Variants in RGS7 observed in about 807,000 individuals in gnomAD.
RGS7 encodes regulator of G-protein signaling 7.
Under a neutral mutation model 81.1 loss-of-function variants are expected in RGS7, and 27 were observed. That is an observed-to-expected ratio of 0.33 (90% CI 0.25 to 0.46). The LOEUF (loss-of-function observed/expected upper bound fraction) is 0.46, where lower values mean the gene tolerates loss of function less well. RGS7 is among the 20% of genes least tolerant of loss of function. The pLI, the probability that RGS7 is intolerant of heterozygous loss-of-function variation, is 1.00. For missense variants in RGS7, 396 were observed against 607.4 expected, an observed-to-expected ratio of 0.65 and a Z score of 3.66; for synonymous variants, 208 against 207.7, an observed-to-expected ratio of 1.00 and a Z score of -0.01.
At position 240,986,340 on chromosome 1, in the gene RGS7, T is replaced by C. The variant is rs577263261; in HGVS notation, c.176-3211A>G. ...TTTCTTCCTTCCATGATTTTGCTAATGCTCTTCTATCTTCATCTCTTTTTC... is the reference window on the plus strand; with the variant it reads ...TTTCTTCCTTCCATGATTTTGCTAACGCTCTTCTATCTTCATCTCTTTTTC... On this transcript the variant is annotated intron_variant, in intron 3 of 18. Transcript: ENST00000440928. 3.5e-3 allele frequency among the ~76,000 whole-genome samples: 529 copies of C among 152,350 alleles called. 4 individuals are homozygous for C. The highest frequency in any genetic ancestry group is 0.012 in the African/African-American group (480 of 41,582).
chr1:241,231,699 T>C (rs2075670468), intron 2 of RGS7, among the ~76,000 whole-genome samples: 1 of 152,204 alleles, frequency 6.6e-6, no homozygotes, highest in Non-Finnish European at 1.5e-5. Flanking sequence ...CTTATTGAGT[T>C]GTAAGATCCC....
chr1:240,916,015 C>T (rs1672541486), intron 6 of RGS7, among the ~76,000 whole-genome samples: 1 of 150,232 alleles, frequency 6.7e-6, no homozygotes, highest in Non-Finnish European at 1.5e-5. Flanking sequence ...GTAATCCCAG[C>T]ACTTTGGGAG....
chr1:240,932,894 T>G (rs1675785691), intron 5 of RGS7, among the ~76,000 whole-genome samples: 1 of 132,282 alleles, frequency 7.6e-6, no homozygotes, highest in South Asian at 2.5e-4. Context: ...TTTTTTTTTT[T>G]TTTTTTTGAG....
At chr1:240,812,476 C>T (rs1001705857) in intron 13 of RGS7, among the ~76,000 whole-genome samples, 14 of 149,272 alleles carry the variant, frequency 9.4e-5, no homozygotes, top group African/African-American at 3.4e-4. Context: ...CTCTTGTCAC[C>T]CAGGTTGGAG....
rs532309798 is a variant in RGS7, at chr1:240,935,178, A to T, written c.333+1422T>A. Among the ~76,000 whole-genome samples, 4 of 152,132 alleles carry T rather than the reference A, an allele frequency of 2.6e-5. No homozygotes were observed. In the East Asian group the frequency reaches 5.8e-4, roughly 22 times the overall value. On this transcript the variant is annotated intron_variant, in intron 5 of 18. Coordinates refer to ENST00000440928, the MANE Select transcript of RGS7 (RefSeq NM_001364886.1). ...CTCCCAAAGTGCTGGGACTACAGGC[A>T]TGAGCCACTGTGCCCGGCCTCGGTG...
At chr1:240,804,981 T>C (rs1225231207) in intron 15 of RGS7, among the ~76,000 whole-genome samples, 2 of 152,212 alleles carry the variant, frequency 1.3e-5, no homozygotes, top group Non-Finnish European at 2.9e-5. Flanking sequence ...TTTAGTAATG[T>C]GTGTTTTTTA....
intron 9 of RGS7, among the ~76,000 whole-genome samples, chr1:240,851,431 C>T (rs182143371): frequency 6.6e-6 from 1 of 152,310 alleles, no homozygotes; most frequent in Admixed American, 6.5e-5. Flanking sequence ...TGACAATGCA[C>T]CTGGTCACCC....
At chr1:241,000,927 G>T (rs1195055949) in intron 3 of RGS7, among the ~76,000 whole-genome samples, 1 of 151,566 alleles carries the variant, frequency 6.6e-6, no homozygotes, top group East Asian at 1.9e-4. Flanking sequence ...AAAGTGTTGG[G>T]GTTACAGGTG....
chr1:240,808,028 T>C (rs1217495306), intron 14 of RGS7, among the ~76,000 whole-genome samples: 2 of 137,802 alleles, frequency 1.5e-5, no homozygotes, highest in Non-Finnish European at 1.5e-5. Flanking sequence ...AGAGCAAAAC[T>C]TCATCTCAAA....
At chr1:240,898,976 G>A (rs1283018867) in intron 6 of RGS7, among the ~76,000 whole-genome samples, 1 of 152,118 alleles carries the variant, frequency 6.6e-6, no homozygotes, top group Non-Finnish European at 1.5e-5. Flanking sequence ...CCTGTATTGG[G>A]TGCATATATA....
intron 1 of RGS7, among the ~76,000 whole-genome samples, chr1:241,356,442 T>G (rs936673417): frequency 2.6e-5 from 4 of 152,114 alleles, no homozygotes; most frequent in African/African-American, 9.7e-5. Flanking sequence ...TCTCCCCACT[T>G]CGCTTCGGAA....
chr1:241,046,305 C>A (rs932485797), intron 3 of RGS7, among the ~76,000 whole-genome samples: 2 of 10,484 alleles, frequency 1.9e-4, no homozygotes, highest in African/African-American at 2.8e-4. Context: ...AGCCCTGACC[C>A]CCCCCCCCTT....
In RGS7 at chr1:240,938,803, T is replaced by C. The variant is rs377475830; in HGVS notation, c.227-2097A>G. 6.7e-4 allele frequency among the ~76,000 whole-genome samples: 102 copies of C among 151,660 alleles called. 2 individuals are homozygous for C. In the South Asian group the frequency reaches 0.021, roughly 31 times the overall value. ...TGTTTTTTGTACAGAGGAGCATTTTTTTTTCATCAATTTTGTGCGTGTGTG... is the reference window on the plus strand; with the variant it reads ...TGTTTTTTGTACAGAGGAGCATTTTCTTTTCATCAATTTTGTGCGTGTGTG... On this transcript the variant is annotated intron_variant, in intron 4 of 18. Transcript: ENST00000440928.
At chr1:240,932,644 G>A (rs12744623) in intron 5 of RGS7, among the ~76,000 whole-genome samples, 6,716 of 150,376 alleles carry the variant, frequency 0.045, 198 homozygotes, top group Non-Finnish European at 0.065. Context: ...AAGTAGCTGG[G>A]ACTACAGGTG....
intron 2 of RGS7, among the ~76,000 whole-genome samples, chr1:241,105,442 G>A (rs990835208): frequency 5.9e-5 from 9 of 152,154 alleles, no homozygotes; most frequent in Non-Finnish European, 1.2e-4. Context: ...AAAAGGCTCA[G>A]GTTAAACAGT....
chr1:241,125,329 T>C (rs1413741227), intron 2 of RGS7, among the ~76,000 whole-genome samples: 1 of 152,162 alleles, frequency 6.6e-6, no homozygotes, highest in Non-Finnish European at 1.5e-5. Context: ...GGGATAACAA[T>C]GAGAGGGCTA....
At chr1:241,084,507 A>C (rs2063321796) in intron 3 of RGS7, among the ~76,000 whole-genome samples, 2 of 152,210 alleles carry the variant, frequency 1.3e-5, no homozygotes, top group Admixed American at 1.3e-4. Context: ...AAGATAGAAC[A>C]GTGAGGAAAA....
intron 3 of RGS7, among the ~76,000 whole-genome samples, chr1:241,034,551 T>C (rs188033880): frequency 4.2e-4 from 64 of 152,122 alleles, no homozygotes; most frequent in Admixed American, 3.1e-3. Context: ...TGACAAAGAG[T>C]CATGAGACAG....
chr1:241,323,383 G>A lies in RGS7; in HGVS notation c.78+32316C>T, dbSNP rs1169095094. 2.0e-5 allele frequency among the ~76,000 whole-genome samples: 3 copies of A among 152,204 alleles called. No individual in the cohort carries two copies. In the East Asian group the frequency reaches 5.8e-4, roughly 29 times the overall value. On this transcript the variant is annotated intron_variant, in intron 2 of 18. Transcript: ENST00000440928. The stretch of plus-strand genomic sequence containing the variant: ...AGAGGCGCCTGTCAGCGCCTGTGGA[G>A]GCCTAAGAGGAGGAGGCTTACAACT...
Sources: allele counts gnomAD v4.1 joint callset (sites outside exome capture counted in the v4.1 genomes callset), GRCh38; gene constraint gnomAD v4.1.1; transcripts MANE v1.5; gene names NCBI Gene and HGNC (gene_info 2026-07-23, HGNC 2026-07-21).